The following EML6 variants were observed in gnomAD, a reference collection of about 807,000 sequenced individuals.
EML6 encodes the protein EMAP like 6, also known as echinoderm microtubule-associated protein-like 6.
Under a neutral mutation model 240.1 loss-of-function variants are expected in EML6, and 154 were observed. That is an observed-to-expected ratio of 0.64 (90% CI 0.56 to 0.73). EML6 has a LOEUF of 0.73. EML6 is among the 30% of genes least tolerant of loss of function. The pLI is 0.00. For synonymous variants in EML6, 1,148 were observed against 899.0 expected (o/e 1.28, Z -4.95); for missense variants, 2,964 against 2,474.6 (o/e 1.20, Z -4.20).
At chr2:54,825,122 C>G (rs1046287299) in intron 5 of EML6, among the ~76,000 whole-genome samples, 2 of 152,140 alleles carry the variant, frequency 1.3e-5, no homozygotes, top group African/African-American at 4.8e-5. Context: ...TTGTGACTGT[C>G]TGTCTGGAAA....
intron 28 of EML6, among the ~76,000 whole-genome samples, chr2:54,930,366 G>A (rs1173317886): frequency 6.6e-6 from 1 of 152,118 alleles, no homozygotes; most frequent in African/African-American, 2.4e-5. Flanking sequence ...ATTTCGTACT[G>A]CCAAACTTAA....
chr2:54,789,926 T>C (rs1286877238), intron 2 of EML6, among the ~76,000 whole-genome samples: 1 of 152,236 alleles, frequency 6.6e-6, no homozygotes, highest in African/African-American at 2.4e-5. Context: ...CTCTGGCTCT[T>C]GGACCCAAAT....
intron 28 of EML6, among the ~76,000 whole-genome samples, chr2:54,944,219 ATC>A (rs1209370240): frequency 6.6e-6 from 1 of 152,102 alleles, no homozygotes; most frequent in African/African-American, 2.4e-5. Flanking sequence ...TAACAAAGCT[ATC>A]TCACGGGTGT....
chr2:54,752,626 C>T (rs1439257285), intron 2 of EML6, among the ~76,000 whole-genome samples: 1 of 152,114 alleles, frequency 6.6e-6, no homozygotes, highest in Non-Finnish European at 1.5e-5. Context: ...AGATAGCATT[C>T]GTTCATTCTT....
chr2:54,830,947 C>T (rs1668839264), intron 7 of EML6, among the ~76,000 whole-genome samples: 1 of 152,138 alleles, frequency 6.6e-6, no homozygotes, highest in Admixed American at 6.5e-5. Context: ...TTGGTGTCTA[C>T]CTCAATGTAG....
chr2:54,949,270 TC>T (rs1335248278), intron 29 of EML6, among the ~76,000 whole-genome samples: 1 of 152,072 alleles, frequency 6.6e-6, no homozygotes, highest in Non-Finnish European at 1.5e-5. Flanking sequence ...ACCCTCAGCA[TC>T]CCTTCCATGG....
chr2:54,912,571 G>T (rs1216037051), intron 25 of EML6, among the ~76,000 whole-genome samples: 1 of 152,008 alleles, frequency 6.6e-6, no homozygotes, highest in Non-Finnish European at 1.5e-5. Flanking sequence ...TCCTCTCTCT[G>T]CCCCCCAGGA....
At chr2:54,942,592 C>T (rs866745011) in intron 28 of EML6, among the ~76,000 whole-genome samples, 1 of 152,134 alleles carries the variant, frequency 6.6e-6, no homozygotes, top group Non-Finnish European at 1.5e-5. Flanking sequence ...TTGGCGTGCT[C>T]TTTACCCGAC....
intron 26 of EML6, among the ~76,000 whole-genome samples, chr2:54,924,076 A>G (rs1169792862): frequency 2.0e-5 from 3 of 152,210 alleles, no homozygotes. Flanking sequence ...GCTGCTATGA[A>G]CATTTTTAGA....
chr2:54,968,190 G>A lies in EML6; in HGVS notation c.5660G>A (p.Cys1887Tyr). ...PRNADKADVN[C>Y]ACVTHAGLNI... ...AATGCAGACAAGGCTGATGTCAACT[G>A]CGCATGTGTGACCCACGCTGGCCTG... is the stretch of plus-strand genomic sequence containing the variant. Residue 1887 changes from cysteine (C) to tyrosine (Y), a missense_variant, in exon 40 of 42, where the codon TGC becomes TAC. Transcript: ENST00000356458. 1 of 1,551,698 alleles carries A rather than the reference G, an allele frequency of 6.4e-7. No homozygotes were observed. Among genetic ancestry groups the A allele is most frequent in the East Asian group, 2.4e-5 (1 of 40,928 alleles).
At position 54,813,352 on chromosome 2, in the gene EML6, A is replaced by C. The variant is rs1488504480; in HGVS notation, c.318A>C (p.Thr106=). 1.9e-6 allele frequency: 3 copies of C among 1,551,684 alleles called. No homozygotes were observed. In the East Asian group the frequency reaches 7.3e-5, roughly 38 times the overall value. The change falls in exon 3 of 42, where the codon ACA becomes ACC. Residue 106 remains threonine, a synonymous_variant. Transcript: ENST00000356458. Reference sequence around the variant, plus strand: ...TGTCTCTTCTTAAAGATGTCCATACACATGGAGTTGCCTGCCTGGCTTTTG... The same window carrying C: ...TGTCTCTTCTTAAAGATGTCCATACCCATGGAGTTGCCTGCCTGGCTTTTG... ...QTVSLLKDVH[T]HGVACLAFDS...
chr2:54,826,203 T>C (rs745542332), intron 5 of EML6, among the ~76,000 whole-genome samples: 3 of 152,222 alleles, frequency 2.0e-5, no homozygotes, highest in Non-Finnish European at 4.4e-5. Flanking sequence ...CCCCTCCAGA[T>C]GGAGATGACC....
At chr2:54,775,080 T>G (rs1295948217) in intron 2 of EML6, among the ~76,000 whole-genome samples, 1 of 152,238 alleles carries the variant, frequency 6.6e-6, no homozygotes, top group Non-Finnish European at 1.5e-5. Context: ...TTCTCACCTG[T>G]GCCTCTATAG....
chr2:54,923,816 G>C (rs1451567677), intron 26 of EML6, among the ~76,000 whole-genome samples: 1 of 151,774 alleles, frequency 6.6e-6, no homozygotes, highest in Non-Finnish European at 1.5e-5. Flanking sequence ...CCCTCCCTCA[G>C]CTGAAACAAC....
chr2:54,922,432 G>C (rs916539371), intron 26 of EML6, among the ~76,000 whole-genome samples: 2 of 152,110 alleles, frequency 1.3e-5, no homozygotes, highest in South Asian at 4.1e-4. Flanking sequence ...CTTGTACACT[G>C]TTATGCCCAC....
chr2:54,897,846 T>G (rs1480416790), intron 21 of EML6, among the ~76,000 whole-genome samples: 1 of 152,170 alleles, frequency 6.6e-6, no homozygotes, highest in African/African-American at 2.4e-5. Context: ...GAATAAGGGC[T>G]TCCTGCTTGC....
At chr2:54,930,687 A>G (rs1319136709) in intron 28 of EML6, among the ~76,000 whole-genome samples, 1 of 152,210 alleles carries the variant, frequency 6.6e-6, no homozygotes, top group Non-Finnish European at 1.5e-5. Flanking sequence ...TGTAGAGAGC[A>G]GCTTCCTAGG....
intron 2 of EML6, among the ~76,000 whole-genome samples, chr2:54,794,740 TAAAC>T (rs1003420453): frequency 7.9e-5 from 12 of 152,326 alleles, no homozygotes; most frequent in East Asian, 3.9e-4. Flanking sequence ...TAAGCATTCT[TAAAC>T]AAGTGTTCAG....
intron 28 of EML6, among the ~76,000 whole-genome samples, chr2:54,945,552 C>G (rs1470424248): frequency 2.0e-5 from 3 of 152,106 alleles, no homozygotes; most frequent in Non-Finnish European, 2.9e-5. Context: ...ACAGGCTGTC[C>G]AAGCCTCACT....
Sources: gnomAD v4.1 joint callset for allele counts (sites outside exome capture counted in the v4.1 genomes callset) on GRCh38, gnomAD v4.1.1 for gene constraint, MANE v1.5 for transcripts, NCBI Gene and HGNC (gene_info 2026-07-23, HGNC 2026-07-21) for gene names.